The following PWWP2A variants were observed in gnomAD, a reference collection of about 807,000 sequenced individuals.
The protein encoded by PWWP2A is PWWP domain containing 2A, also known as PWWP domain-containing protein 2A.
Under a neutral mutation model 48.5 loss-of-function variants are expected in PWWP2A, and 18 were observed. The ratio of observed to expected loss-of-function variants is 0.37; its 90% CI spans 0.26 to 0.55. The LOEUF is 0.55. PWWP2A is among the 20% of genes least tolerant of loss of function. PWWP2A has a pLI of 0.81. For synonymous variants in PWWP2A, 396 were observed against 387.7 expected (o/e 1.02, Z -0.25); for missense variants, 867 against 976.4 (o/e 0.89, Z 1.49).
At chr5:160,111,249 C>A (rs144694342) in intron 1 of PWWP2A, among the ~76,000 whole-genome samples, 1 of 152,026 alleles carries the variant, frequency 6.6e-6, no homozygotes, top group Non-Finnish European at 1.5e-5. Flanking sequence ...CTCACTGCAA[C>A]CTCTAACTCC....
the PWWP2A span, among the ~76,000 whole-genome samples, chr5:160,046,066 CTTCTCCTGACCCAATA>C: frequency 6.6e-6 from 1 of 152,130 alleles, no homozygotes; most frequent in African/African-American, 2.4e-5. Flanking sequence ...TTCAGAAAAC[CTTCTCCTGACCCAATA>C]TTCTCCTTCA....
chr5:160,072,288 T>C (rs1374687477), downstream of PWWP2A, among the ~76,000 whole-genome samples: 1 of 152,164 alleles, frequency 6.6e-6, no homozygotes, highest in African/African-American at 2.4e-5. Context: ...CAGCAGCACA[T>C]ATACTAAAAT....
chr5:160,046,743 G>GT, the PWWP2A span, among the ~76,000 whole-genome samples: 1 of 152,210 alleles, frequency 6.6e-6, no homozygotes, highest in African/African-American at 2.4e-5. Flanking sequence ...GCCGGGCACA[G>GT]TGGCTCACGC....
chr5:160,074,442 A>AAAATAAATAAAT (rs70987994), downstream of PWWP2A, among the ~76,000 whole-genome samples: 2 of 150,826 alleles, frequency 1.3e-5, no homozygotes, highest in Non-Finnish European at 3.0e-5. Context: ...CTGTCTCAAA[A>AAAATAAATAAAT]AAATAAATAA....
At chr5:160,097,707 G>GT (rs1491205700) in intron 1 of PWWP2A, among the ~76,000 whole-genome samples, 2 of 16,086 alleles carry the variant, frequency 1.2e-4, no homozygotes, top group South Asian at 2.4e-3. Flanking sequence ...TTTTTTTTTT[G>GT]GGGGGGGGGG....
intron 1 of PWWP2A, among the ~76,000 whole-genome samples, chr5:160,099,437 A>C (rs1756023885): frequency 6.6e-6 from 1 of 152,166 alleles, no homozygotes; most frequent in Non-Finnish European, 1.5e-5. Context: ...ACTGTCTGCA[A>C]ATCTGCAATT....
Position 160,085,210 on chromosome 5 carries a change from G to C in PWWP2A, c.1550-4440C>G, listed in dbSNP as rs570148615. 4.6e-5 allele frequency among the ~76,000 whole-genome samples: 7 copies of C among 151,822 alleles called. No homozygotes were observed. The East Asian group carries it at 7.8e-4, about 17-fold the overall frequency. ...TGCCCAGCTAATTTTTGTATTTTTA[G>C]TACAGACAGGGTAATCCAAACAGTA... On this transcript the variant is annotated intron_variant, in intron 2 of 3. Coordinates refer to the PWWP2A transcript ENST00000456329.
chr5:160,091,970 ATGTGTATATATACATATATATG>A lies in PWWP2A; in HGVS notation c.*390_*411del, dbSNP rs1561666407. 4.7e-6 allele frequency: 4 copies of A among 859,878 alleles called. 1 individual carries two copies. In the Admixed American group the frequency reaches 1.9e-4, roughly 41 times the overall value. The allele number at this position is 859,878 out of a possible 1,614,324, so 53.3% of individuals were successfully genotyped here. A position where few individuals can be genotyped will look rare whatever the true frequency, so the allele number is the denominator to read the frequency against. ...GACAGGCTGTATTTCATATATATAT[ATGTGTATATATACATATATATG>A]TGTGTATATATACATACACGGATAT... On this transcript the variant is annotated 3_prime_UTR_variant, in exon 2 of 2. Transcript: ENST00000307063.
At chr5:160,090,653 G>T, downstream of PWWP2A, 1 of 983,732 alleles carries the variant, frequency 1.0e-6, no homozygotes, top group Non-Finnish European at 1.2e-6. Flanking sequence ...CCTTAAGAAA[G>T]CTGACAAGAC....
intron 4 of PWWP2A, chr5:160,064,861 C>T: frequency 6.7e-7 from 1 of 1,497,940 alleles, no homozygotes; most frequent in Non-Finnish European, 9.1e-7. Flanking sequence ...AGTGGTAAGG[C>T]AAGATTAATT....
In PWWP2A at chr5:160,115,701, GA is replaced by G. The variant is rs547479445; in HGVS notation, c.584+3103del. 5.7e-3 allele frequency among the ~76,000 whole-genome samples: 805 copies of G among 140,558 alleles called. 2 individuals carry two copies. Among genetic ancestry groups the G allele is most frequent in the Non-Finnish European group, 6.7e-3 (431 of 64,012 alleles). 92.2% of individuals were successfully genotyped at this position (140,558 alleles called of 152,430 possible). On this transcript the variant is annotated intron_variant, in intron 1 of 1. Coordinates refer to ENST00000307063, the MANE Select transcript of PWWP2A (RefSeq NM_001130864.2). ...GAGTGAGACTCCATCTCAAAAAAAG[GA>G]AAAAAAAAAAAATTAGCCAGGCGTG... is the stretch of plus-strand genomic sequence containing the variant.
chr5:160,100,999 TAG>T (rs961735506), intron 1 of PWWP2A, among the ~76,000 whole-genome samples: 1 of 152,136 alleles, frequency 6.6e-6, no homozygotes, highest in Non-Finnish European at 1.5e-5. Flanking sequence ...GCTAGACAGA[TAG>T]AGATATATAG....
chr5:160,111,615 T>TA (rs1270667098), intron 1 of PWWP2A, among the ~76,000 whole-genome samples: 1 of 152,040 alleles, frequency 6.6e-6, no homozygotes, highest in Non-Finnish European at 1.5e-5. Flanking sequence ...GTCTCTGTGA[T>TA]AAAGTGAGAC....
the PWWP2A span, among the ~76,000 whole-genome samples, chr5:160,046,933 AC>A: frequency 6.6e-6 from 1 of 152,104 alleles, no homozygotes; most frequent in African/African-American, 2.4e-5. Context: ...AATCACTTGA[AC>A]CTGGGAGGTG....
the PWWP2A span, among the ~76,000 whole-genome samples, chr5:160,053,697 G>A: frequency 6.6e-6 from 1 of 152,164 alleles, no homozygotes; most frequent in Admixed American, 6.5e-5. Flanking sequence ...TTCTATTTCT[G>A]TGAAGAATGT....
the PWWP2A span, among the ~76,000 whole-genome samples, chr5:160,047,347 C>T: frequency 1.3e-5 from 2 of 152,128 alleles, no homozygotes; most frequent in Non-Finnish European, 2.9e-5. Context: ...TTGGAGTCAT[C>T]CCTGATTGTT....
intron 1 of PWWP2A, among the ~76,000 whole-genome samples, chr5:160,095,047 CAAAAAAAAAAAA>C (rs70987998): frequency 3.9e-4 from 12 of 30,874 alleles, no homozygotes; most frequent in South Asian, 2.0e-3. Flanking sequence ...GACTCTGTCT[CAAAAAAAAAAAA>C]AAAAAAAAAA....
intron 2 of PWWP2A, among the ~76,000 whole-genome samples, chr5:160,069,119 C>T (rs1291189332): frequency 6.6e-6 from 1 of 151,854 alleles, no homozygotes; most frequent in African/African-American, 2.4e-5. Flanking sequence ...ATGGTGAAAC[C>T]CCGTCTCTAC....
In PWWP2A at chr5:160,077,407, T is replaced by A. The variant is rs1215692260; in HGVS notation, c.*748A>T. Reference sequence around the variant, plus strand: ...AATATCAACACTAGCCTATCCACTTTGAGTCAAAATTTGAAAGGTAAGAAT... The same window carrying A: ...AATATCAACACTAGCCTATCCACTTAGAGTCAAAATTTGAAAGGTAAGAAT... On this transcript the variant is annotated 3_prime_UTR_variant, in exon 4 of 4. Transcript: ENST00000456329. This position sits in a 1 kb window ranked among gnomAD's most constrained non-coding sequence, Gnocchi z 4.2. 6.6e-6 allele frequency: 1 copy of A among 152,234 alleles called. No homozygotes were observed. The highest frequency in any genetic ancestry group is 1.5e-5 in the Non-Finnish European group (1 of 68,038). 9.4% of individuals were successfully genotyped at this position (152,234 alleles called of 1,614,324 possible).
Sources: gnomAD v4.1 joint callset for allele counts (sites outside exome capture counted in the v4.1 genomes callset) on GRCh38, gnomAD v4.1.1 for gene constraint, Gnocchi (gnomAD v3.1) non-coding constraint, MANE v1.5 for transcripts, NCBI Gene and HGNC (gene_info 2026-07-23, HGNC 2026-07-21) for gene names.